The following WDPCP variants were observed in gnomAD, a reference collection of about 807,000 sequenced individuals.
WDPCP encodes the protein WD repeat containing planar cell polarity effector.
In WDPCP, 71 loss-of-function variants were observed where a neutral mutation model predicts 93.1. The observed-to-expected ratio is 0.76, with a 90% confidence interval of 0.63 to 0.93. The LOEUF is 0.93. WDPCP is among the 40% of genes least tolerant of loss of function. The probability of loss-of-function intolerance (pLI) is 0.00; values close to 1 mark genes in which losing one functional copy is unlikely to be tolerated. For missense variants in WDPCP, 844 were observed against 887.4 expected (o/e 0.95, Z 0.62); for synonymous variants, 315 against 315.0 (o/e 1.00, Z 0.00).
intron 1 of WDPCP, among the ~76,000 whole-genome samples, chr2:63,823,540 C>T (rs1050913699): frequency 2.0e-5 from 3 of 151,886 alleles, no homozygotes; most frequent in Non-Finnish European, 4.4e-5. Context: ...ACTTTTCCAA[C>T]CTACATAAAA....
At chr2:63,618,566 A>G (rs1237451860) in intron 3 of WDPCP, among the ~76,000 whole-genome samples, 2 of 152,102 alleles carry the variant, frequency 1.3e-5, no homozygotes, top group Non-Finnish European at 1.5e-5. Context: ...ACGATTTCTT[A>G]TTCAACACTC....
chr2:63,232,389 A>G (rs1461005533), intron 14 of WDPCP: 3 of 152,170 alleles, frequency 2.0e-5, no homozygotes, highest in African/African-American at 7.2e-5. Flanking sequence ...ATCCTTTGAA[A>G]TGTAGTGAAA....
At chr2:63,532,532 A>C (rs536690947) in intron 1 of WDPCP, among the ~76,000 whole-genome samples, 1 of 152,366 alleles carries the variant, frequency 6.6e-6, no homozygotes, top group East Asian at 1.9e-4. Context: ...TCTACAAGCC[A>C]GAATACAGTG....
chr2:63,622,261 T>C, intron 3 of WDPCP: 1 of 1,611,048 alleles, frequency 6.2e-7, no homozygotes, highest in South Asian at 1.1e-5. Context: ...GCCAGTGCCG[T>C]CTCCTCTGCC....
intron 17 of WDPCP, among the ~76,000 whole-genome samples, chr2:63,135,131 G>T (rs1481735482): frequency 6.6e-6 from 1 of 151,978 alleles, no homozygotes; most frequent in Non-Finnish European, 1.5e-5. Context: ...TCAAATAAAA[G>T]AAAACAAAAA....
At chr2:63,415,417 A>G (rs1695346378) in intron 9 of WDPCP, among the ~76,000 whole-genome samples, 1 of 152,184 alleles carries the variant, frequency 6.6e-6, no homozygotes, top group South Asian at 2.1e-4. Flanking sequence ...GAGTAACCTC[A>G]CCAATAATAA....
At chr2:63,696,534 A>C (rs1668963034) in intron 2 of WDPCP, among the ~76,000 whole-genome samples, 1 of 152,134 alleles carries the variant, frequency 6.6e-6, no homozygotes, top group Non-Finnish European at 1.5e-5. Flanking sequence ...ACAGGAATAG[A>C]GCTCCAAGAG....
At chr2:63,504,324 TTGTGTGTGTGTGTGTGTGTG>T (rs60202196) in intron 1 of WDPCP, among the ~76,000 whole-genome samples, 4 of 138,022 alleles carry the variant, frequency 2.9e-5, no homozygotes, top group African/African-American at 1.1e-4. Flanking sequence ...ACGTACTAAA[TTGTGTGTGTGTGTGTGTGTG>T]TGTGTGTGTG....
chr2:63,381,997 C>G lies in WDPCP; in HGVS notation c.1533G>C (p.Met511Ile). 1 of 1,613,532 alleles carries G rather than the reference C, an allele frequency of 6.2e-7. No homozygotes were observed. Among genetic ancestry groups the G allele is most frequent in the Non-Finnish European group, 8.5e-7 (1 of 1,179,744 alleles). ...ACTGGTGGCCCAGAGTGTCCCAGTT[C>G]ATGCTGCTCAGGATGTTTATTGCCT... ...IYEAINILSS[M>I]NWDTLGHQCF... Residue 511 changes from methionine (M) to isoleucine (I), a missense_variant, in exon 11 of 18, where the codon ATG (methionine) becomes ATC (isoleucine). By Grantham distance (10) the Met-to-Ile change is conservative. Transcript: ENST00000272321.
At chr2:63,449,317 G>C (rs1275612728) in intron 6 of WDPCP, among the ~76,000 whole-genome samples, 1 of 152,160 alleles carries the variant, frequency 6.6e-6, no homozygotes, top group Non-Finnish European at 1.5e-5. Context: ...ACTGCAATAA[G>C]TGTCAAGAAG....
intron 15 of WDPCP, among the ~76,000 whole-genome samples, chr2:63,158,452 C>G (rs1347664859): frequency 6.6e-6 from 1 of 152,108 alleles, no homozygotes. Flanking sequence ...GATAAATTGG[C>G]TCTTTTATCA....
intron 2 of WDPCP, among the ~76,000 whole-genome samples, chr2:63,773,841 T>C (rs1020216590): frequency 1.3e-5 from 2 of 152,100 alleles, no homozygotes; most frequent in African/African-American, 4.8e-5. Flanking sequence ...GTTTTAGTGT[T>C]GGAAACTGAT....
At chr2:63,373,533 A>T (rs1452171396) in intron 12 of WDPCP, among the ~76,000 whole-genome samples, 1 of 151,286 alleles carries the variant, frequency 6.6e-6, no homozygotes, top group Non-Finnish European at 1.5e-5. Flanking sequence ...CTGGGATTAC[A>T]GGTGTGAGCC....
intron 2 of WDPCP, among the ~76,000 whole-genome samples, chr2:63,704,670 C>T (rs1669120039): frequency 6.6e-6 from 1 of 152,110 alleles, no homozygotes; most frequent in Non-Finnish European, 1.5e-5. Flanking sequence ...GGTGGATAAG[C>T]TTTTTGATGT....
intron 12 of WDPCP, among the ~76,000 whole-genome samples, chr2:63,322,928 G>A (rs532330301): frequency 1.4e-4 from 21 of 152,342 alleles, no homozygotes; most frequent in Non-Finnish European, 2.5e-4. Context: ...AAAGCTACTA[G>A]CGCAGCTGCC....
At chr2:63,242,924 G>A (rs1463014619) in intron 14 of WDPCP, among the ~76,000 whole-genome samples, 1 of 152,122 alleles carries the variant, frequency 6.6e-6, no homozygotes, top group African/African-American at 2.4e-5. Flanking sequence ...TTACCCTAGA[G>A]ATGACAAAGT....
At chr2:63,164,264 A>G (rs961456217) in intron 15 of WDPCP, among the ~76,000 whole-genome samples, 2 of 152,150 alleles carry the variant, frequency 1.3e-5, no homozygotes, top group Admixed American at 6.5e-5. Flanking sequence ...AGTGTCTGAC[A>G]TGGTTTAGAT....
chr2:63,633,603 T>C (rs1474824718), intron 3 of WDPCP, among the ~76,000 whole-genome samples: 1 of 150,658 alleles, frequency 6.6e-6, no homozygotes, highest in Non-Finnish European at 1.5e-5. Flanking sequence ...ACACAAAAGA[T>C]AAACAGAAAA....
chr2:63,371,275 A>G (rs1691359710), intron 12 of WDPCP, among the ~76,000 whole-genome samples: 2 of 152,248 alleles, frequency 1.3e-5, no homozygotes, highest in African/African-American at 4.8e-5. Flanking sequence ...TAATATGTTC[A>G]AAATCCACCA....
Sources: allele counts gnomAD v4.1 joint callset (sites outside exome capture counted in the v4.1 genomes callset), GRCh38; gene constraint gnomAD v4.1.1; transcripts MANE v1.5; gene names NCBI Gene and HGNC (gene_info 2026-07-23, HGNC 2026-07-21).